Variants in RABL3 observed in about 807,000 individuals in gnomAD.
The protein encoded by RABL3 is RAB, member of RAS oncogene family like 3.
A neutral mutation model predicts 31.8 loss-of-function variants in RABL3; 31 were observed. The ratio of observed to expected loss-of-function variants is 0.97; its 90% CI spans 0.73 to 1.31. The LOEUF is 1.31. Among genes scored for constraint, RABL3 ranks in the 40% most tolerant of loss-of-function variants. RABL3 has a pLI of 0.00. For synonymous variants in RABL3, 97 were observed against 99.9 expected (o/e 0.97, Z 0.18); for missense variants, 263 against 279.6 (o/e 0.94, Z 0.42).
chr3:120,706,052 A>G lies in RABL3; in HGVS notation c.331T>C (p.Leu111=). Residue 111 remains leucine (L), a synonymous_variant, in exon 4 of 8, where the codon TTG becomes CTG. Coordinates refer to ENST00000273375, the MANE Select transcript of RABL3 (RefSeq NM_173825.5). ...ACCAAATCCCTGTTGAGAGCTTCCA[A>G]TGACCAACGACGCAAGTTTTGGGAG... ...KSSQNLRRWS[L]EALNRDLVPT... is the part of the protein sequence containing the mutation. The G allele has an allele frequency of 2.5e-6, 4 of 1,614,052 alleles. No homozygotes were observed. Among genetic ancestry groups the G allele is most frequent in the South Asian group, 2.2e-5 (2 of 91,078 alleles).
chr3:120,698,512 G>A lies in RABL3; in HGVS notation c.445C>T (p.Leu149=). The A allele has an allele frequency of 6.2e-7, 1 of 1,613,712 alleles. No homozygotes were observed. The highest frequency in any genetic ancestry group is 8.5e-7 in the Non-Finnish European group (1 of 1,179,682). ...QIPLLVIGTK[L]DQIHETKRHE... ...CGCTTTGTTTCATGAATCTGGTCCA[G>A]TTTAGTCCCTATTACCAACAGTGGT... The change falls in exon 5 of 8, where the codon CTG becomes TTG. Residue 149 remains leucine, a synonymous_variant. Coordinates refer to ENST00000273375, the MANE Select transcript of RABL3 (RefSeq NM_173825.5).
rs1415916054 is a variant in RABL3 at position 120,720,002 on chromosome 3, TCAGG to T, written c.139-10097_139-10094del. Among the ~76,000 whole-genome samples the T allele has an allele frequency of 5.1e-4, 77 of 152,048 alleles. 1 individual carries two copies. Among genetic ancestry groups the T allele is most frequent in the Admixed American group, 1.9e-3 (29 of 15,272 alleles). On this transcript the variant is annotated intron_variant, in intron 2 of 7. Transcript: ENST00000273375. ...TGAGACAAAACTTCCAGAGGAACAA[TCAGG>T]CAGCAACATTTGCTGTTCACCAATA... is the stretch of plus-strand genomic sequence containing the variant.
At chr3:120,697,124 TAATATA>T (rs1156922882) in intron 5 of RABL3, among the ~76,000 whole-genome samples, 1 of 152,248 alleles carries the variant, frequency 6.6e-6, no homozygotes, top group East Asian at 1.9e-4. Flanking sequence ...GTACTATTGG[TAATATA>T]AATACACAAT....
Position 120,694,175 on chromosome 3 carries a change from T to C in RABL3, c.584A>G (p.Lys195Arg). The C allele has an allele frequency of 6.2e-7, 1 of 1,609,818 alleles. No homozygotes were observed. The highest frequency in any genetic ancestry group is 1.7e-5 in the Admixed American group (1 of 59,982). The change falls in exon 6 of 8, where the codon AAG becomes AGG. Residue 195 changes from lysine to arginine, a missense_variant. Transcript: ENST00000273375. ...TACCTTATCAAAAAACCTACTGAGC[T>C]TGACAGCATTGGAAGAACCTGCAGC... ...YLAAGSSNAV[K>R]LSRFFDKVIE...
intron 2 of RABL3, among the ~76,000 whole-genome samples, chr3:120,723,214 C>T (rs1708770542): frequency 6.6e-6 from 1 of 152,130 alleles, no homozygotes; most frequent in Admixed American, 6.5e-5. Flanking sequence ...TGGATAAATT[C>T]CTGGACACAT....
At chr3:120,721,116 T>G (rs974656978) in intron 2 of RABL3, among the ~76,000 whole-genome samples, 1 of 152,162 alleles carries the variant, frequency 6.6e-6, no homozygotes. Flanking sequence ...AATAAAATAC[T>G]TTACAGATAA....
At chr3:120,728,909 A>C (rs1352177182) in intron 2 of RABL3, among the ~76,000 whole-genome samples, 3 of 152,120 alleles carry the variant, frequency 2.0e-5, no homozygotes, top group Non-Finnish European at 2.9e-5. Context: ...TCAGAGTGAG[A>C]AGTGGGAACT....
chr3:120,711,405 C>T (rs1708611116), intron 2 of RABL3, among the ~76,000 whole-genome samples: 1 of 152,090 alleles, frequency 6.6e-6, no homozygotes, highest in Admixed American at 6.5e-5. Context: ...CCACTATTAC[C>T]ACCCAGGTCA....
At chr3:120,723,565 C>T (rs1289411925) in intron 2 of RABL3, among the ~76,000 whole-genome samples, 1 of 152,172 alleles carries the variant, frequency 6.6e-6, no homozygotes, top group African/African-American at 2.4e-5. Context: ...TACTGGCAAA[C>T]CGAATCCAGC....
chr3:120,707,970 T>G (rs1397465017), intron 3 of RABL3, among the ~76,000 whole-genome samples: 3 of 152,072 alleles, frequency 2.0e-5, no homozygotes, highest in African/African-American at 7.2e-5. Context: ...TAAAGACACT[T>G]CATTATTTCC....
chr3:120,722,666 G>C (rs1019836331), intron 2 of RABL3: 3 of 152,118 alleles, frequency 2.0e-5, no homozygotes, highest in Admixed American at 1.3e-4. Flanking sequence ...TCAACTACAT[G>C]GGAACTGAAC....
chr3:120,724,267 G>C (rs547764660), intron 2 of RABL3, among the ~76,000 whole-genome samples: 78 of 152,282 alleles, frequency 5.1e-4, no homozygotes, highest in South Asian at 1.7e-3. Context: ...TCTTCAAGGA[G>C]AATTACAAAC....
At chr3:120,696,533 A>G (rs1708439450) in intron 5 of RABL3, among the ~76,000 whole-genome samples, 1 of 151,872 alleles carries the variant, frequency 6.6e-6, no homozygotes, top group Non-Finnish European at 1.5e-5. Flanking sequence ...CTACCTGAGT[A>G]CCTTTACATC....
intron 1 of RABL3, among the ~76,000 whole-genome samples, chr3:120,731,829 A>G (rs1248483573): frequency 6.6e-6 from 1 of 152,154 alleles, no homozygotes; most frequent in East Asian, 1.9e-4. Flanking sequence ...AGGCAGGAGG[A>G]TCACTTGAGC....
At chr3:120,710,058 T>C (rs1466709863) in intron 2 of RABL3, 149 bp from the exon 3 acceptor site, 11 of 573,028 alleles carry the variant, frequency 1.9e-5, no homozygotes, top group Non-Finnish European at 2.7e-5. Context: ...AATACTTTAA[T>C]AATTTTTACT....
chr3:120,698,045 T>TG (rs1264922905), intron 5 of RABL3, among the ~76,000 whole-genome samples: 4 of 152,106 alleles, frequency 2.6e-5, no homozygotes, highest in Admixed American at 1.3e-4. Flanking sequence ...ATGCCTGTAA[T>TG]CCCAGCTACT....
intron 1 of RABL3, among the ~76,000 whole-genome samples, chr3:120,735,458 G>C (rs577407477): frequency 1.3e-5 from 2 of 152,222 alleles, no homozygotes; most frequent in African/African-American, 2.4e-5. Context: ...AGTCTTGCTA[G>C]TGGTCTATCA....
At chr3:120,700,617 ATTATTATTAAAG>A (rs1708482403) in intron 4 of RABL3, among the ~76,000 whole-genome samples, 1 of 152,136 alleles carries the variant, frequency 6.6e-6, no homozygotes, top group African/African-American at 2.4e-5. Flanking sequence ...TTATTAAAGA[ATTATTATTAAAG>A]TTTTAGCTGT....
rs372541960 is a variant in RABL3 at position 120,698,416 on chromosome 3, T to C, written c.534+7A>G. On this transcript the variant is annotated splice_region_variant and intron_variant, in intron 5 of 7. Transcript: ENST00000273375. ...TAATACAAGCATGCATTAGTGAAAA[T>C]ACATACCAAATTAATTTCTTCTGGA... The C allele has an allele frequency of 6.2e-7, 1 of 1,611,452 alleles. No homozygotes were observed. The highest frequency in any genetic ancestry group is 1.3e-5 in the African/African-American group (1 of 74,806).
Sources: allele counts gnomAD v4.1 joint callset (sites outside exome capture counted in the v4.1 genomes callset), GRCh38; gene constraint gnomAD v4.1.1; transcripts MANE v1.5; gene names NCBI Gene and HGNC (gene_info 2026-07-23, HGNC 2026-07-21).